FRMD6: variants seen among roughly 807,000 people sequenced by gnomAD.
FRMD6 encodes FERM domain containing 6.
A neutral mutation model predicts 73.2 loss-of-function variants in FRMD6; 37 were observed. The ratio of observed to expected loss-of-function variants is 0.51; its 90% CI spans 0.39 to 0.66. The LOEUF is 0.66. FRMD6 is among the 30% of genes least tolerant of loss of function. FRMD6 has a pLI of 0.00. For synonymous variants in FRMD6, 273 were observed against 282.2 expected (o/e 0.97, Z 0.33); for missense variants, 714 against 780.5 (o/e 0.91, Z 1.02).
chr14:51,498,973 T>A (rs1883455836), intron 1 of FRMD6, among the ~76,000 whole-genome samples: 1 of 152,244 alleles, frequency 6.6e-6, no homozygotes, highest in Admixed American at 6.5e-5. Flanking sequence ...TTGGTTCCAA[T>A]GTTGCTTTTA....
chr14:51,435,274 A>G, the FRMD6 span, among the ~76,000 whole-genome samples: 1 of 152,122 alleles, frequency 6.6e-6, no homozygotes, highest in Non-Finnish European at 1.5e-5. Flanking sequence ...GTCCAAAATT[A>G]TTTCAAAATT....
intron 3 of FRMD6, among the ~76,000 whole-genome samples, chr14:51,698,572 CT>C (rs1896095975): frequency 6.6e-6 from 1 of 152,178 alleles, no homozygotes; most frequent in African/African-American, 2.4e-5. Context: ...AGCTGGAATA[CT>C]TAGGAAAGTA....
chr14:51,542,263 A>G (rs1886239416), intron 1 of FRMD6, among the ~76,000 whole-genome samples: 1 of 152,074 alleles, frequency 6.6e-6, no homozygotes, highest in Non-Finnish European at 1.5e-5. Context: ...AGGAAATCCT[A>G]TACCCATTAA....
intron 1 of FRMD6, among the ~76,000 whole-genome samples, chr14:51,656,913 A>G (rs1243373169): frequency 1.3e-5 from 2 of 152,224 alleles, no homozygotes; most frequent in Non-Finnish European, 2.9e-5. Flanking sequence ...GGGTGTTTTC[A>G]GATGTTTTCC....
intron 1 of FRMD6, among the ~76,000 whole-genome samples, chr14:51,566,047 C>T (rs1291993300): frequency 6.6e-6 from 1 of 151,834 alleles, no homozygotes; most frequent in Non-Finnish European, 1.5e-5. Flanking sequence ...CGCCTGTAGT[C>T]CCAGCTACTC....
chr14:51,709,047 CCCT>C (rs1896794971), intron 7 of FRMD6, among the ~76,000 whole-genome samples: 1 of 152,126 alleles, frequency 6.6e-6, no homozygotes, highest in South Asian at 2.1e-4. Context: ...TCTTCTCTTC[CCCT>C]CCTCCTCCTA....
At chr14:51,709,123 T>C (rs764400343) in intron 7 of FRMD6, among the ~76,000 whole-genome samples, 2 of 152,140 alleles carry the variant, frequency 1.3e-5, no homozygotes, top group Non-Finnish European at 2.9e-5. Context: ...CCCACTTAAG[T>C]ATTCAAAGGT....
chr14:51,580,477 C>G (rs1888658482), intron 2 of FRMD6, among the ~76,000 whole-genome samples: 2 of 152,114 alleles, frequency 1.3e-5, no homozygotes, highest in African/African-American at 4.8e-5. Context: ...TATTTTACAA[C>G]TAAGGAAAAT....
the FRMD6 span, among the ~76,000 whole-genome samples, chr14:51,420,945 T>A: frequency 1.0e-3 from 152 of 152,188 alleles, 1 homozygote; most frequent in Non-Finnish European, 1.7e-3. Flanking sequence ...AGCTAATTTT[T>A]TTGTGTGTTT....
At chr14:51,550,586 C>CA (rs781577627) in intron 1 of FRMD6, among the ~76,000 whole-genome samples, 2 of 150,944 alleles carry the variant, frequency 1.3e-5, no homozygotes, top group Admixed American at 6.6e-5. Flanking sequence ...GGAGACCCCC[C>CA]CGCCATGCTT....
At chr14:51,630,402 G>T (rs549480488) in intron 2 of FRMD6, among the ~76,000 whole-genome samples, 1 of 152,254 alleles carries the variant, frequency 6.6e-6, no homozygotes, top group East Asian at 1.9e-4. Context: ...ATGTCATCTA[G>T]TTCGAAGTTG....
chr14:51,673,691 T>G (rs557666539), intron 1 of FRMD6, among the ~76,000 whole-genome samples: 1 of 152,158 alleles, frequency 6.6e-6, no homozygotes, highest in Admixed American at 6.6e-5. Context: ...TCCCCAAAAC[T>G]GGAAGAAACG....
At chr14:51,721,765 A>AGGAGGGAAGGAGGGAAGGAAGGAG (rs1897627827) in intron 11 of FRMD6, among the ~76,000 whole-genome samples, 184 bp from the exon 12 acceptor site, 2 of 145,438 alleles carry the variant, frequency 1.4e-5, no homozygotes, top group African/African-American at 2.5e-5. Context: ...GAAGGAGGGA[A>AGGAGGGAAGGAGGGAAGGAAGGAG]GGAGGGAAGG....
At chr14:51,654,390 TG>T (rs1433355798) in intron 1 of FRMD6, among the ~76,000 whole-genome samples, 4 of 151,950 alleles carry the variant, frequency 2.6e-5, no homozygotes, top group Admixed American at 6.6e-5. Flanking sequence ...GAACTTATGA[TG>T]TAATAGACTG....
At chr14:51,668,132 T>C (rs1276951278) in intron 1 of FRMD6, among the ~76,000 whole-genome samples, 1 of 152,190 alleles carries the variant, frequency 6.6e-6, no homozygotes, top group African/African-American at 2.4e-5. Context: ...AGATACAGGG[T>C]CTAAATTAAT....
rs921152363 is a variant in FRMD6 at position 51,559,526 on chromosome 14, C to T, written c.-209-10822C>T. Among the ~76,000 whole-genome samples the T allele has an allele frequency of 5.3e-5, 8 of 150,968 alleles. No homozygotes were observed. The East Asian group carries it at 9.8e-4, about 19-fold the overall frequency. On this transcript the variant is annotated intron_variant, in intron 1 of 14. Coordinates refer to the FRMD6 transcript ENST00000356218. The stretch of plus-strand genomic sequence containing the variant: ...GCCTTCCTTGTGATAAATTCTCAGG[C>T]ATATGAGAGTTTACATCACCAAGCT...
At chr14:51,604,750 GTC>G (rs1443164020) in intron 2 of FRMD6, among the ~76,000 whole-genome samples, 1 of 151,980 alleles carries the variant, frequency 6.6e-6, no homozygotes, top group African/African-American at 2.4e-5. Flanking sequence ...CTATCTTCTT[GTC>G]CAGGGAATAC....
At chr14:51,411,196 G>A in the FRMD6 span, among the ~76,000 whole-genome samples, 1 of 152,178 alleles carries the variant, frequency 6.6e-6, no homozygotes, top group Non-Finnish European at 1.5e-5. Flanking sequence ...CATAAGCAAA[G>A]GCTGAGCTAG....
chr14:51,543,169 A>G (rs1011017344), intron 1 of FRMD6, among the ~76,000 whole-genome samples: 2 of 152,016 alleles, frequency 1.3e-5, no homozygotes, highest in Non-Finnish European at 2.9e-5. Flanking sequence ...CCATGATTAT[A>G]GCAGTAAAAC....
Sources: allele counts gnomAD v4.1 joint callset (sites outside exome capture counted in the v4.1 genomes callset), GRCh38; gene constraint gnomAD v4.1.1; transcripts MANE v1.5; gene names NCBI Gene and HGNC (gene_info 2026-07-23, HGNC 2026-07-21).